SCRN1: variants seen among roughly 807,000 people sequenced by gnomAD.
The protein encoded by SCRN1 is secernin 1.
A neutral mutation model predicts 43.3 loss-of-function variants in SCRN1; 19 were observed. The ratio of observed to expected loss-of-function variants is 0.44; its 90% CI spans 0.31 to 0.64. SCRN1 has a LOEUF of 0.64. SCRN1 is among the 30% of genes least tolerant of loss of function. SCRN1 has a pLI of 0.09. For missense variants in SCRN1, 447 were observed against 524.1 expected, an observed-to-expected ratio of 0.85 and a Z score of 1.44; for synonymous variants, 183 against 188.9, an observed-to-expected ratio of 0.97 and a Z score of 0.26.
At chr7:29,929,986 C>T (rs978730959) in intron 6 of SCRN1, among the ~76,000 whole-genome samples, 7 of 151,684 alleles carry the variant, frequency 4.6e-5, no homozygotes, top group Admixed American at 6.5e-5. Context: ...ATAAGTTTGT[C>T]CCTCTCATCT....
intron 5 of SCRN1, 112 bp downstream of exon 5, chr7:29,940,570 G>T: frequency 1.0e-6 from 1 of 998,946 alleles, no homozygotes; most frequent in Non-Finnish European, 1.5e-6. Flanking sequence ...TTACATACAA[G>T]GACTATTCTG....
intron 5 of SCRN1, among the ~76,000 whole-genome samples, chr7:29,938,153 C>A (rs1787404470): frequency 6.6e-6 from 1 of 152,144 alleles, no homozygotes; most frequent in African/African-American, 2.4e-5. Context: ...CTCAGCCTCC[C>A]TGGTAGCTGG....
chr7:29,946,636 T>C (rs144522659), intron 3 of SCRN1, among the ~76,000 whole-genome samples: 75 of 152,348 alleles, frequency 4.9e-4, no homozygotes, highest in Non-Finnish European at 9.7e-4. Context: ...CATGCTGACT[T>C]TGATGTCCTC....
At position 29,966,361 on chromosome 7, in the gene SCRN1, T is replaced by C. The variant is rs145419681; in HGVS notation, c.159+2548A>G. Among the ~76,000 whole-genome samples the C allele has an allele frequency of 2.3e-4, 35 of 152,310 alleles. No individual in the cohort carries two copies. In the East Asian group the frequency reaches 5.4e-3, roughly 24 times the overall value. On this transcript the variant is annotated intron_variant, in intron 2 of 7. Coordinates refer to ENST00000242059, the MANE Select transcript of SCRN1 (RefSeq NM_014766.5). Reference sequence around the variant, plus strand: ...TTCGTGGAAGGAGTGCCCTTCACACTGGAAGAAGGGCACTTGGGATGGGAT... The same window carrying C: ...TTCGTGGAAGGAGTGCCCTTCACACCGGAAGAAGGGCACTTGGGATGGGAT...
At chr7:29,969,231 CAGT>C in intron 1 of SCRN1, 163 bp from the exon 2 acceptor site, 1 of 687,724 alleles carries the variant, frequency 1.5e-6, no homozygotes, top group Non-Finnish European at 2.3e-6. Context: ...GGGACGCCTG[CAGT>C]GGAATGACAG....
At chr7:29,963,912 A>G (rs1007324126) in intron 2 of SCRN1, among the ~76,000 whole-genome samples, 1 of 152,264 alleles carries the variant, frequency 6.6e-6, no homozygotes, top group Non-Finnish European at 1.5e-5. Flanking sequence ...GTTATATATT[A>G]AAAAATCATG....
chr7:29,978,138 G>A (rs1562823081), intron 1 of SCRN1, among the ~76,000 whole-genome samples: 1 of 152,214 alleles, frequency 6.6e-6, no homozygotes. Flanking sequence ...GTGCCAGTCT[G>A]CAGCTGACAT....
At position 29,923,273 on chromosome 7, in the gene SCRN1, C is replaced by T. The variant is rs1243162204; in HGVS notation, c.*684G>A. 6.6e-6 allele frequency: 1 copy of T among 152,236 alleles called. No individual in the cohort carries two copies. Among genetic ancestry groups the T allele is most frequent in the Non-Finnish European group, 1.5e-5 (1 of 68,058 alleles). The allele number at this position is 152,236 out of a possible 1,614,324, so 9.4% of individuals were successfully genotyped here. A position where few individuals can be genotyped will look rare whatever the true frequency, so the allele number is the denominator to read the frequency against. The stretch of plus-strand genomic sequence containing the variant: ...TTCCAGCTAACAAATTATCAGCTCT[C>T]CTGTAAGTGGAAGCAGCTCTGCAGT... On this transcript the variant is annotated 3_prime_UTR_variant, in exon 8 of 8. Coordinates refer to ENST00000242059, the MANE Select transcript of SCRN1 (RefSeq NM_014766.5).
intron 1 of SCRN1, among the ~76,000 whole-genome samples, chr7:29,972,845 C>T (rs1488557156): frequency 6.6e-6 from 1 of 152,190 alleles, no homozygotes; most frequent in Non-Finnish European, 1.5e-5. Flanking sequence ...TAGCCTCAGG[C>T]AGCTATTGAA....
Position 29,924,129 on chromosome 7 carries a change from CGACTGCTTTAGGT to C in SCRN1, c.1087-27_1087-15del, listed in dbSNP as rs1562798818. On this transcript the variant is annotated splice_polypyrimidine_tract_variant and intron_variant, in intron 7 of 7. Coordinates refer to ENST00000242059, the MANE Select transcript of SCRN1 (RefSeq NM_014766.5). The stretch of plus-strand genomic sequence containing the variant: ...GCGACCTTGCTCCTGAGGAAGGACA[CGACTGCTTTAGGT>C]GTCAGCAAAATAGCAGGGGACATTG... The C allele has an allele frequency of 6.2e-7, 1 of 1,606,038 alleles. No individual in the cohort carries two copies. The highest frequency in any genetic ancestry group is 8.5e-7 in the Non-Finnish European group (1 of 1,177,190).
At chr7:29,959,318 C>T (rs1788232648) in intron 2 of SCRN1, among the ~76,000 whole-genome samples, 1 of 152,172 alleles carries the variant, frequency 6.6e-6, no homozygotes, top group Admixed American at 6.5e-5. Context: ...AAATGGGATG[C>T]TTTGGAGAGA....
At chr7:29,989,473 G>C (rs1211552616) in intron 1 of SCRN1, among the ~76,000 whole-genome samples, 169 bp downstream of exon 1, 1 of 151,972 alleles carries the variant, frequency 6.6e-6, no homozygotes, top group Non-Finnish European at 1.5e-5. Flanking sequence ...CCGCCCCCAG[G>C]CTCCCAGCCC....
In SCRN1 at chr7:29,949,091, G is replaced by A. The variant is rs569452951; in HGVS notation, c.342-4912C>T. ...AGCACTTTGGGAGGCTGAGGCAGGC[G>A]GATCACGAGGTCAGGAGATCATGAC... On this transcript the variant is annotated intron_variant, in intron 3 of 7. Coordinates refer to ENST00000242059, the MANE Select transcript of SCRN1 (RefSeq NM_014766.5). Among the ~76,000 whole-genome samples, 473 of 152,120 alleles carry A rather than the reference G, an allele frequency of 3.1e-3. 5 individuals are homozygous for A. Among genetic ancestry groups the A allele is most frequent in the African/African-American group, 0.011 (448 of 41,496 alleles).
chr7:29,953,235 A>G (rs900555299), intron 3 of SCRN1, among the ~76,000 whole-genome samples: 11 of 152,216 alleles, frequency 7.2e-5, no homozygotes, highest in Non-Finnish European at 1.3e-4. Context: ...TTCTTATATT[A>G]TTCTTAAAAT....
intron 1 of SCRN1, among the ~76,000 whole-genome samples, chr7:29,972,776 A>G (rs1427737480): frequency 2.0e-5 from 3 of 152,252 alleles, no homozygotes; most frequent in African/African-American, 4.8e-5. Context: ...AGAAAATTCC[A>G]AAAGAATTTT....
At chr7:29,988,648 GCGCA>G (rs1333219451) in intron 1 of SCRN1, 1 of 152,270 alleles carries the variant, frequency 6.6e-6, no homozygotes, top group Non-Finnish European at 1.5e-5. Context: ...ACGCGCACAC[GCGCA>G]CACACACACG....
At chr7:29,928,540 C>T (rs184076746) in intron 6 of SCRN1, among the ~76,000 whole-genome samples, 263 of 152,296 alleles carry the variant, frequency 1.7e-3, no homozygotes, top group African/African-American at 6.1e-3. Flanking sequence ...TAGTTGAGGA[C>T]TAGTGTCAGG....
At chr7:29,936,469 A>G (rs1787330236) in intron 6 of SCRN1, 87 bp downstream of exon 6, 9 of 1,225,464 alleles carry the variant, frequency 7.3e-6, no homozygotes, top group South Asian at 4.4e-5. Context: ...AGGGGAGGAC[A>G]TGGTCAGGCG....
chr7:29,978,551 C>A (rs539731104), intron 1 of SCRN1, among the ~76,000 whole-genome samples: 1 of 152,304 alleles, frequency 6.6e-6, no homozygotes, highest in East Asian at 1.9e-4. Flanking sequence ...TTAGAGACAC[C>A]AGGCCCTAGT....
Sources: gnomAD v4.1 joint callset for allele counts (sites outside exome capture counted in the v4.1 genomes callset) on GRCh38, gnomAD v4.1.1 for gene constraint, MANE v1.5 for transcripts, NCBI Gene and HGNC (gene_info 2026-07-23, HGNC 2026-07-21) for gene names.